The following THSD7B variants were observed in gnomAD, a reference collection of about 807,000 sequenced individuals.
The protein encoded by THSD7B is thrombospondin type 1 domain containing 7B.
A neutral mutation model predicts 213.6 loss-of-function variants in THSD7B; 138 were observed. The observed-to-expected ratio is 0.65, with a 90% CI of 0.56 to 0.74. The LOEUF is 0.74. Among genes scored for constraint, THSD7B ranks in the 30% least tolerant of loss-of-function variants. The pLI is 0.00. For synonymous variants in THSD7B, 742 were observed against 687.0 expected, an observed-to-expected ratio of 1.08 and a Z score of -1.25; for missense variants, 1,931 against 1,991.5, an observed-to-expected ratio of 0.97 and a Z score of 0.58.
At chr2:136,847,643 G>C (rs1683032496) in intron 1 of THSD7B, among the ~76,000 whole-genome samples, 1 of 152,138 alleles carries the variant, frequency 6.6e-6, no homozygotes, top group Non-Finnish European at 1.5e-5. Context: ...ATTGCTGGCT[G>C]ATTCTCTATA....
At chr2:136,830,299 A>G (rs528446052) in intron 1 of THSD7B, among the ~76,000 whole-genome samples, 23 of 152,314 alleles carry the variant, frequency 1.5e-4, no homozygotes, top group Middle Eastern at 3.4e-3. Context: ...GTTTTAGTAC[A>G]TTAAGTCAAA....
Position 137,090,000 on chromosome 2 carries a change from C to T in THSD7B, c.951-4873C>T, listed in dbSNP as rs1221760116. 6.0e-5 allele frequency among the ~76,000 whole-genome samples: 9 copies of T among 150,580 alleles called. 1 individual carries two copies. The South Asian group carries it at 1.3e-3, about 21-fold the overall frequency. On this transcript the variant is annotated intron_variant, in intron 3 of 27. Transcript: ENST00000409968. ...CCAGCCTGGGTGACAGAGTTAGAGT[C>T]GGTCTCAAAAAAAAGTAAAAAAAGA...
chr2:137,610,422 T>A (rs1470274743), intron 17 of THSD7B, among the ~76,000 whole-genome samples: 2 of 152,082 alleles, frequency 1.3e-5, no homozygotes, highest in Non-Finnish European at 2.9e-5. Flanking sequence ...CGAGTTGAAA[T>A]ATAGTTAGTG....
intron 12 of THSD7B, among the ~76,000 whole-genome samples, chr2:137,306,861 A>G (rs563454461): frequency 3.3e-5 from 5 of 152,020 alleles, no homozygotes; most frequent in African/African-American, 7.2e-5. Flanking sequence ...TTATTTTCTG[A>G]TTGTTCCTTT....
intron 6 of THSD7B, among the ~76,000 whole-genome samples, chr2:137,163,357 G>A (rs1680056064): frequency 6.6e-6 from 1 of 152,150 alleles, no homozygotes; most frequent in Non-Finnish European, 1.5e-5. Context: ...GTTAAGATTA[G>A]GTCATACTGG....
At chr2:137,069,636 T>A (rs1221098608) in intron 3 of THSD7B, among the ~76,000 whole-genome samples, 1 of 151,980 alleles carries the variant, frequency 6.6e-6, no homozygotes, top group Non-Finnish European at 1.5e-5. Context: ...GACGATTTTT[T>A]AAAAAGCCAT....
At chr2:137,439,788 A>C (rs1036756169) in intron 14 of THSD7B, among the ~76,000 whole-genome samples, 6 of 151,888 alleles carry the variant, frequency 4.0e-5, no homozygotes, top group Non-Finnish European at 7.4e-5. Flanking sequence ...TTCGAGGTAC[A>C]TTTTTTTTGT....
chr2:137,528,457 T>A (rs1305579943), intron 15 of THSD7B, among the ~76,000 whole-genome samples: 2 of 152,156 alleles, frequency 1.3e-5, no homozygotes, highest in Non-Finnish European at 2.9e-5. Flanking sequence ...AGAAGAATAA[T>A]AACTGCTGGA....
At chr2:136,774,471 A>G (rs1681565825) in intron 1 of THSD7B, among the ~76,000 whole-genome samples, 1 of 152,080 alleles carries the variant, frequency 6.6e-6, no homozygotes, top group African/African-American at 2.4e-5. Flanking sequence ...GCTTCAATTG[A>G]AAAAACAGAA....
At chr2:137,436,202 A>C (rs1363860381) in intron 14 of THSD7B, among the ~76,000 whole-genome samples, 1 of 152,076 alleles carries the variant, frequency 6.6e-6, no homozygotes, top group Non-Finnish European at 1.5e-5. Flanking sequence ...TATGATATAC[A>C]TATTCATCTT....
At chr2:137,290,456 C>T (rs746241105) in intron 12 of THSD7B, among the ~76,000 whole-genome samples, 2 of 152,104 alleles carry the variant, frequency 1.3e-5, no homozygotes, top group Non-Finnish European at 2.9e-5. Flanking sequence ...GATGCTTACT[C>T]TGTCTCTCTA....
chr2:137,391,723 C>CTTTT (rs1686033212), intron 12 of THSD7B, among the ~76,000 whole-genome samples: 2 of 149,220 alleles, frequency 1.3e-5, no homozygotes, highest in Non-Finnish European at 3.0e-5. Flanking sequence ...TTTTGTTACT[C>CTTTT]TTTTGCATGC....
intron 2 of THSD7B, among the ~76,000 whole-genome samples, chr2:136,994,237 GT>G (rs1475266073): frequency 2.9e-4 from 44 of 152,162 alleles, no homozygotes; most frequent in East Asian, 3.9e-4. Context: ...GCATGAAGAG[GT>G]TTGTAAGGCT....
chr2:137,518,904 A>G (rs1416720177), intron 15 of THSD7B, among the ~76,000 whole-genome samples: 4 of 152,182 alleles, frequency 2.6e-5, no homozygotes, highest in Non-Finnish European at 5.9e-5. Flanking sequence ...CAGGTTGATT[A>G]TATTGGACCT....
At chr2:137,490,449 A>G (rs1001209329) in intron 15 of THSD7B, among the ~76,000 whole-genome samples, 2 of 152,102 alleles carry the variant, frequency 1.3e-5, no homozygotes, top group African/African-American at 4.8e-5. Flanking sequence ...TCTTTTTTTA[A>G]TTAGACATTA....
intron 15 of THSD7B, among the ~76,000 whole-genome samples, chr2:137,489,431 GA>G (rs986622945): frequency 1.2e-4 from 17 of 146,112 alleles, no homozygotes; most frequent in African/African-American, 4.1e-4. Flanking sequence ...AAAAAAAAAA[GA>G]AAAAAAAGAA....
chr2:137,544,149 C>A (rs1038544118), intron 15 of THSD7B, among the ~76,000 whole-genome samples: 4 of 151,632 alleles, frequency 2.6e-5, no homozygotes, highest in Non-Finnish European at 5.9e-5. Flanking sequence ...TAGGTTCATG[C>A]AAAAACTTGC....
chr2:137,526,908 A>G (rs1175049155), intron 15 of THSD7B, among the ~76,000 whole-genome samples: 2 of 152,162 alleles, frequency 1.3e-5, no homozygotes, highest in Non-Finnish European at 2.9e-5. Flanking sequence ...TCAAGAGAAC[A>G]TAAAATATCA....
chr2:136,994,964 G>T (rs754352449), intron 2 of THSD7B, among the ~76,000 whole-genome samples: 44 of 152,214 alleles, frequency 2.9e-4, no homozygotes, highest in Non-Finnish European at 4.4e-4. Flanking sequence ...TTCAGCTAAA[G>T]CATGTGCTTT....
Sources: gnomAD v4.1 joint callset for allele counts (sites outside exome capture counted in the v4.1 genomes callset) on GRCh38, gnomAD v4.1.1 for gene constraint, MANE v1.5 for transcripts, NCBI Gene and HGNC (gene_info 2026-07-23, HGNC 2026-07-21) for gene names.